The following LRRC37A2 variants were observed in gnomAD, a reference collection of about 807,000 sequenced individuals.
LRRC37A2 encodes the protein leucine-rich repeat-containing protein 37A2.
A neutral mutation model predicts 68.8 loss-of-function variants in LRRC37A2; 9 were observed. That is an observed-to-expected ratio of 0.13 (90% CI 0.08 to 0.23). The LOEUF is 0.23. LRRC37A2 is among the 10% of genes least tolerant of loss of function. LRRC37A2 has a pLI of 1.00. For synonymous variants in LRRC37A2, 63 were observed against 367.6 expected (o/e 0.17, Z 9.48); for missense variants, 168 against 950.4 (o/e 0.18, Z 10.82).
chr17:46,894,937 G>A, the LRRC37A2 span, among the ~76,000 whole-genome samples: 1 of 152,220 alleles, frequency 6.6e-6, no homozygotes, highest in Non-Finnish European at 1.5e-5. Flanking sequence ...CATTAGCGGG[G>A]CCTCCCGGGC....
the LRRC37A2 span, among the ~76,000 whole-genome samples, chr17:46,627,488 A>C: frequency 2.9e-5 from 4 of 139,264 alleles, no homozygotes; most frequent in Admixed American, 7.3e-5. Flanking sequence ...ATTCTGTAGA[A>C]TCCAGAGAAT....
chr17:46,392,213 C>CTT, the LRRC37A2 span, among the ~76,000 whole-genome samples: 52 of 59,438 alleles, frequency 8.7e-4, 1 homozygote, highest in Middle Eastern at 8.8e-3. Context: ...TTTCTTTTTT[C>CTT]TTTTTTTTTT....
the LRRC37A2 span, among the ~76,000 whole-genome samples, chr17:46,719,213 C>T: frequency 6.6e-6 from 1 of 152,144 alleles, no homozygotes; most frequent in Admixed American, 6.5e-5. The surrounding 1 kb of genome is among the most constrained non-coding windows in gnomAD (Gnocchi z 4.3). Flanking sequence ...TGACAATAGT[C>T]TGTGAAACTG....
the LRRC37A2 span, among the ~76,000 whole-genome samples, chr17:46,892,748 T>C: frequency 6.6e-6 from 1 of 152,242 alleles, no homozygotes; most frequent in East Asian, 1.9e-4. Context: ...CCAGGCCAGG[T>C]ACTGGGGGCT....
the LRRC37A2 span, among the ~76,000 whole-genome samples, chr17:46,622,245 C>G: frequency 6.9e-6 from 1 of 143,958 alleles, no homozygotes; most frequent in Non-Finnish European, 1.5e-5. Flanking sequence ...ATCACAAGGT[C>G]AGGAGATCGA....
chr17:46,819,349 A>G, the LRRC37A2 span, among the ~76,000 whole-genome samples: 1 of 151,974 alleles, frequency 6.6e-6, no homozygotes, highest in South Asian at 2.1e-4. This position sits in a 1 kb window ranked among gnomAD's most constrained non-coding sequence, Gnocchi z 5.3. Flanking sequence ...GCCGAGTGTC[A>G]TTTGAGTCTT....
At chr17:46,746,588 T>C in the LRRC37A2 span, among the ~76,000 whole-genome samples, 1 of 152,008 alleles carries the variant, frequency 6.6e-6, no homozygotes, top group Admixed American at 6.5e-5. Flanking sequence ...ATGGACTGAG[T>C]GTGTATTATA....
At chr17:46,768,058 G>A in the LRRC37A2 span, among the ~76,000 whole-genome samples, 2 of 152,220 alleles carry the variant, frequency 1.3e-5, no homozygotes, top group Non-Finnish European at 2.9e-5. This position sits in a 1 kb window ranked among gnomAD's most constrained non-coding sequence, Gnocchi z 5.0. Context: ...AAAGTGCTGG[G>A]ATTACAGGCG....
chr17:47,029,004 C>G, the LRRC37A2 span, among the ~76,000 whole-genome samples: 1 of 151,906 alleles, frequency 6.6e-6, no homozygotes, highest in Non-Finnish European at 1.5e-5. Context: ...CATGGCGAAA[C>G]CTCATCTCTA....
the LRRC37A2 span, among the ~76,000 whole-genome samples, chr17:46,961,020 T>C: frequency 3.3e-5 from 5 of 152,112 alleles, no homozygotes; most frequent in Non-Finnish European, 7.4e-5. Flanking sequence ...ATGACTACTT[T>C]GGGGAGAGTT....
the LRRC37A2 span, among the ~76,000 whole-genome samples, chr17:46,743,499 G>A: frequency 1.3e-5 from 2 of 152,204 alleles, no homozygotes; most frequent in Non-Finnish European, 2.9e-5. Context: ...GATAGATGCT[G>A]AGAAGTTAAA....
the LRRC37A2 span, among the ~76,000 whole-genome samples, chr17:46,990,753 C>A: frequency 6.6e-6 from 1 of 152,246 alleles, no homozygotes; most frequent in Admixed American, 6.5e-5. Context: ...TCACTGCAAC[C>A]TCCACCTCCT....
the LRRC37A2 span, chr17:46,487,052 C>G: frequency 2.6e-6 from 2 of 763,284 alleles, 1 homozygote; most frequent in African/African-American, 4.2e-5. Flanking sequence ...TAGGCCAGTA[C>G]TAAAGTGGAA....
the LRRC37A2 span, among the ~76,000 whole-genome samples, chr17:46,870,656 G>T: frequency 6.6e-6 from 1 of 152,190 alleles, no homozygotes; most frequent in African/African-American, 2.4e-5. Context: ...TGGCCAGGCC[G>T]CATACCCTCT....
the LRRC37A2 span, among the ~76,000 whole-genome samples, chr17:46,929,088 G>A: frequency 6.6e-6 from 1 of 152,044 alleles, no homozygotes; most frequent in Non-Finnish European, 1.5e-5. Context: ...TATCTCCCTC[G>A]CCCTTTGACT....
chr17:46,898,280 A>T, the LRRC37A2 span, among the ~76,000 whole-genome samples: 1 of 151,652 alleles, frequency 6.6e-6, no homozygotes, highest in African/African-American at 2.4e-5. Context: ...ATGGCCTCAG[A>T]GCCTCAAAAA....
the LRRC37A2 span, among the ~76,000 whole-genome samples, chr17:46,906,139 C>G: frequency 6.6e-6 from 1 of 152,300 alleles, no homozygotes; most frequent in Admixed American, 6.5e-5. Flanking sequence ...GCCCAGCCCC[C>G]ACTCCTGAGA....
At chr17:46,856,105 A>G in the LRRC37A2 span, among the ~76,000 whole-genome samples, 1 of 152,354 alleles carries the variant, frequency 6.6e-6, no homozygotes, top group African/African-American at 2.4e-5. Context: ...TGACCTCTGC[A>G]CTGGTTGAGT....
the LRRC37A2 span, among the ~76,000 whole-genome samples, chr17:46,838,618 C>T: frequency 6.6e-6 from 1 of 151,842 alleles, no homozygotes; most frequent in African/African-American, 2.4e-5. Flanking sequence ...CAGAGCGAGA[C>T]CCTGTCTCAA....
Sources: allele counts gnomAD v4.1 joint callset (sites outside exome capture counted in the v4.1 genomes callset), GRCh38; gene constraint gnomAD v4.1.1; non-coding constraint Gnocchi (gnomAD v3.1); transcripts MANE v1.5; gene names NCBI Gene and HGNC (gene_info 2026-07-23, HGNC 2026-07-21).